TMEM167B: variants seen among roughly 807,000 people sequenced by gnomAD.
TMEM167B encodes the protein protein kish-B.
In TMEM167B, 2 loss-of-function variants were observed where a neutral mutation model predicts 9.4. The observed-to-expected ratio is 0.21, with a 90% CI of 0.09 to 0.67. TMEM167B has a LOEUF of 0.67. TMEM167B is among the 30% of genes least tolerant of loss of function. The pLI is 0.82. For synonymous variants in TMEM167B, 28 were observed against 32.0 expected, an observed-to-expected ratio of 0.87 and a Z score of 0.42; for missense variants, 68 against 87.6, an observed-to-expected ratio of 0.78 and a Z score of 0.89.
chr1:109,093,714 T>G (rs754898575), intron 2 of TMEM167B: 1 of 152,246 alleles, frequency 6.6e-6, no homozygotes, highest in Non-Finnish European at 1.5e-5. Context: ...ACTCAGATGC[T>G]TTTTTGTACT....
Position 109,094,554 on chromosome 1 carries a change from C to G in TMEM167B, c.*55C>G. 5 of 1,562,708 alleles carry G rather than the reference C, an allele frequency of 3.2e-6. No homozygotes were observed. The highest frequency in any genetic ancestry group is 2.7e-5 in the African/African-American group (2 of 74,024). On this transcript the variant is annotated 3_prime_UTR_variant, in exon 3 of 3. Coordinates refer to ENST00000338272, the MANE Select transcript of TMEM167B (RefSeq NM_020141.4). ...AACCAAGGGGACGGGGATGAAGAAC[C>G]TGTTGGAGACCTGAACCCAGTGTAG... is the stretch of plus-strand genomic sequence containing the variant.
At chr1:109,092,412 CAA>C (rs1405713411) in intron 1 of TMEM167B, among the ~76,000 whole-genome samples, 1 of 152,118 alleles carries the variant, frequency 6.6e-6, no homozygotes, top group Non-Finnish European at 1.5e-5. Context: ...TGATTTATAA[CAA>C]GAACATGTTA....
At chr1:109,091,974 T>A (rs1393193811) in intron 1 of TMEM167B, among the ~76,000 whole-genome samples, 2 of 152,214 alleles carry the variant, frequency 1.3e-5, no homozygotes, top group Non-Finnish European at 2.9e-5. Context: ...AGACAGAATC[T>A]GAACCAGGAA....
In TMEM167B at chr1:109,095,428, G is replaced by A. The variant is rs1664544885; in HGVS notation, c.*929G>A. ...AGTTGGGGTAGAAGAAAGAAATCTA[G>A]TATATTGATTCATATACTAGTAAAT... is the stretch of plus-strand genomic sequence containing the variant. On this transcript the variant is annotated 3_prime_UTR_variant, in exon 3 of 3. Coordinates refer to ENST00000338272, the MANE Select transcript of TMEM167B (RefSeq NM_020141.4). 6.6e-6 allele frequency: 1 copy of A among 151,988 alleles called. No individual in the cohort carries two copies. Among genetic ancestry groups the A allele is most frequent in the Admixed American group, 6.6e-5 (1 of 15,258 alleles). 9.4% of individuals were successfully genotyped at this position (151,988 alleles called of 1,614,324 possible). A position where few individuals can be genotyped will look rare whatever the true frequency, so the allele number is the denominator to read the frequency against.
chr1:109,095,517 CTT>C lies in TMEM167B; in HGVS notation c.*1019_*1020del, dbSNP rs977981530. ...TTGTCATCTTATAAAAGACAACAAA[CTT>C]ATTTTCTGTTTAAGTCTGAGTGTTA... is the stretch of plus-strand genomic sequence containing the variant. On this transcript the variant is annotated 3_prime_UTR_variant, in exon 3 of 3. Transcript: ENST00000338272. 2.0e-5 allele frequency: 3 copies of C among 151,980 alleles called. No homozygotes were observed. The highest frequency in any genetic ancestry group is 2.1e-4 in the South Asian group (1 of 4,818). 9.4% of individuals were successfully genotyped at this position (151,980 alleles called of 1,614,324 possible). A position where few individuals can be genotyped will look rare whatever the true frequency, so the allele number is the denominator to read the frequency against.
Position 109,094,583 on chromosome 1 carries a change from A to C in TMEM167B, c.*84A>C. 7.4e-7 allele frequency: 1 copy of C among 1,343,492 alleles called. No individual in the cohort carries two copies. Among genetic ancestry groups the C allele is most frequent in the East Asian group, 2.3e-5 (1 of 43,428 alleles). 83.2% of individuals were successfully genotyped at this position (1,343,492 alleles called of 1,614,324 possible). A position where few individuals can be genotyped will look rare whatever the true frequency, so the allele number is the denominator to read the frequency against. ...TGGAGACCTGAACCCAGTGTAGGAG[A>C]GTTCAGCTGAAATCATCGGTCCCCA... On this transcript the variant is annotated 3_prime_UTR_variant, in exon 3 of 3. Transcript: ENST00000338272.
chr1:109,091,264 T>G (rs578245769), intron 1 of TMEM167B, among the ~76,000 whole-genome samples: 1 of 152,214 alleles, frequency 6.6e-6, no homozygotes, highest in African/African-American at 2.4e-5. Context: ...GTAGTTTTGT[T>G]GAGAGGGCCA....
Position 109,095,001 on chromosome 1 carries a change from T to C in TMEM167B, c.*502T>C, listed in dbSNP as rs1027798182. Reference sequence around the variant, plus strand: ...CAGTTATGAAATGCCAAGAAATTCTTTGGCTTTAGAAATTTATCTTTCATG... The same window carrying C: ...CAGTTATGAAATGCCAAGAAATTCTCTGGCTTTAGAAATTTATCTTTCATG... On this transcript the variant is annotated 3_prime_UTR_variant, in exon 3 of 3. Transcript: ENST00000338272. 2 of 154,380 alleles carry C rather than the reference T, an allele frequency of 1.3e-5. No individual in the cohort carries two copies. The highest frequency in any genetic ancestry group is 2.9e-5 in the Non-Finnish European group (2 of 69,554). The allele number at this position is 154,380 out of a possible 1,614,324, so 9.6% of individuals were successfully genotyped here.
intron 1 of TMEM167B, 132 bp downstream of exon 1, chr1:109,091,014 C>G (rs1005461426): frequency 9.1e-7 from 1 of 1,095,014 alleles, no homozygotes; most frequent in Non-Finnish European, 1.3e-6. Context: ...CTCGACGCCC[C>G]TAACTTCTGT....
In TMEM167B at chr1:109,094,696, C is replaced by T. The variant is rs531409999; in HGVS notation, c.*197C>T. 3.2e-5 allele frequency: 19 copies of T among 592,452 alleles called. No individual in the cohort carries two copies. The African/African-American group carries it at 3.4e-4, about 10-fold the overall frequency. The allele number at this position is 592,452 out of a possible 1,614,324, so 36.7% of individuals were successfully genotyped here. A position where few individuals can be genotyped will look rare whatever the true frequency, so the allele number is the denominator to read the frequency against. Reference sequence around the variant, plus strand: ...TTATGCTTCAGGGGACTACAGAAAGCCAGCTTCCTTTGATCTATGTGTAAA... The same window carrying T: ...TTATGCTTCAGGGGACTACAGAAAGTCAGCTTCCTTTGATCTATGTGTAAA... On this transcript the variant is annotated 3_prime_UTR_variant, in exon 3 of 3. Coordinates refer to ENST00000338272, the MANE Select transcript of TMEM167B (RefSeq NM_020141.4).
Position 109,094,533 on chromosome 1 carries a change from A to G in TMEM167B, c.*34A>G, listed in dbSNP as rs1167876040. 6.2e-7 allele frequency: 1 copy of G among 1,605,750 alleles called. No homozygotes were observed. Among genetic ancestry groups the G allele is most frequent in the South Asian group, 1.1e-5 (1 of 90,886 alleles). On this transcript the variant is annotated 3_prime_UTR_variant, in exon 3 of 3. Transcript: ENST00000338272. ...GCACCCAAGTCATCAACTGCCAACC[A>G]AGGGGACGGGGATGAAGAACCTGTT...
chr1:109,090,981 C>T, intron 1 of TMEM167B, 99 bp downstream of exon 1: 2 of 1,410,844 alleles, frequency 1.4e-6, no homozygotes, highest in Non-Finnish European at 1.9e-6. Context: ...CCCGCCCCCT[C>T]CCAGCCCGGC....
rs541184169 is a variant in TMEM167B at position 109,096,934 on chromosome 1, A to G, written c.*2435A>G. On this transcript the variant is annotated 3_prime_UTR_variant, in exon 3 of 3. Transcript: ENST00000338272. The stretch of plus-strand genomic sequence containing the variant: ...TGAAAATAAACCTTTTTTTCCCTAC[A>G]GTCTTTGTCAATTTATTTGTCACAT... The G allele has an allele frequency of 6.6e-6, 1 of 152,190 alleles. No homozygotes were observed. Among genetic ancestry groups the G allele is most frequent in the South Asian group, 2.1e-4 (1 of 4,816 alleles). 9.4% of individuals were successfully genotyped at this position (152,190 alleles called of 1,614,324 possible).
intron 2 of TMEM167B, 97 bp from the exon 3 acceptor site, chr1:109,094,318 GAT>G (rs1396243335): frequency 5.1e-6 from 6 of 1,185,084 alleles, no homozygotes; most frequent in Non-Finnish European, 6.2e-6. Context: ...TGAGAGCGTT[GAT>G]ATGTCTGTCT....
intron 1 of TMEM167B, 78 bp downstream of exon 1, chr1:109,090,960 TG>T (rs1664434486): frequency 8.2e-5 from 124 of 1,506,114 alleles, no homozygotes; most frequent in Non-Finnish European, 1.1e-4. Context: ...GGGACTGACG[TG>T]GCCGTTCTCC....
intron 2 of TMEM167B, among the ~76,000 whole-genome samples, chr1:109,093,951 A>G (rs1389380504): frequency 6.6e-6 from 1 of 152,184 alleles, no homozygotes; most frequent in African/African-American, 2.4e-5. Flanking sequence ...AGCCTGGCCA[A>G]CATGGTGAAA....
At chr1:109,094,204 C>T (rs1038869334) in intron 2 of TMEM167B, among the ~76,000 whole-genome samples, 1 of 152,032 alleles carries the variant, frequency 6.6e-6, no homozygotes, top group Non-Finnish European at 1.5e-5. Flanking sequence ...TGCTTGAACC[C>T]GGGTGGCAGA....
intron 1 of TMEM167B, among the ~76,000 whole-genome samples, chr1:109,092,614 C>T (rs1460733255): frequency 3.9e-5 from 6 of 151,968 alleles, no homozygotes; most frequent in Non-Finnish European, 8.8e-5. Flanking sequence ...CTCTGTTGCT[C>T]AGGCTACAGT....
chr1:109,092,468 A>G (rs1014463170), intron 1 of TMEM167B, among the ~76,000 whole-genome samples: 4 of 152,124 alleles, frequency 2.6e-5, no homozygotes, highest in African/African-American at 7.2e-5. Flanking sequence ...GTCTCAATCT[A>G]TTGCCAACAC....
Sources: gnomAD v4.1 joint callset for allele counts (sites outside exome capture counted in the v4.1 genomes callset) on GRCh38, gnomAD v4.1.1 for gene constraint, MANE v1.5 for transcripts, NCBI Gene and HGNC (gene_info 2026-07-23, HGNC 2026-07-21) for gene names.